The following GPHN variants were observed in gnomAD, a reference collection of about 807,000 sequenced individuals.
GPHN encodes the protein gephyrin.
In GPHN, 17 loss-of-function variants were observed where a neutral mutation model predicts 95.5. That is an observed-to-expected ratio of 0.18 (90% CI 0.12 to 0.27). The LOEUF (loss-of-function observed/expected upper bound fraction) is 0.27, where lower values mean the gene tolerates loss of function less well. GPHN is among the 10% of genes least tolerant of loss of function. The probability of loss-of-function intolerance (pLI) is 1.00; values close to 1 mark genes in which losing one functional copy is unlikely to be tolerated. For synonymous variants in GPHN, 320 were observed against 322.5 expected, an observed-to-expected ratio of 0.99 and a Z score of 0.08; for missense variants, 660 against 978.1, an observed-to-expected ratio of 0.67 and a Z score of 4.34.
intron 1 of GPHN, among the ~76,000 whole-genome samples, chr14:66,596,743 T>C (rs1243150015): frequency 6.6e-6 from 1 of 151,788 alleles, no homozygotes; most frequent in East Asian, 1.9e-4. Flanking sequence ...TCCCCAAGAG[T>C]GTAGAGATGC....
intron 13 of GPHN, among the ~76,000 whole-genome samples, chr14:67,101,684 A>G (rs116971554): frequency 0.012 from 1,810 of 151,720 alleles, 16 homozygotes; most frequent in Non-Finnish European, 0.018. Flanking sequence ...AATACATAGA[A>G]GAGCAGAATC....
the GPHN span, chr14:67,692,162 C>A: frequency 2.1e-4 from 70 of 335,846 alleles, no homozygotes; most frequent in East Asian, 2.5e-3. Context: ...GACCCCAGAC[C>A]CTAAAAAGCC....
At chr14:66,748,416 A>G (rs2058240225) in intron 2 of GPHN, among the ~76,000 whole-genome samples, 1 of 151,964 alleles carries the variant, frequency 6.6e-6, no homozygotes, top group Admixed American at 6.6e-5. Context: ...CAGACAGCTC[A>G]GAGATTTTCC....
intron 4 of GPHN, among the ~76,000 whole-genome samples, chr14:66,868,457 G>A (rs1267579968): frequency 1.3e-5 from 2 of 151,948 alleles, no homozygotes; most frequent in East Asian, 1.9e-4. Context: ...TCAATGGCAC[G>A]ATTTCGGCTC....
At chr14:66,561,513 G>A (rs1175344060) in intron 1 of GPHN, among the ~76,000 whole-genome samples, 1 of 152,058 alleles carries the variant, frequency 6.6e-6, no homozygotes, top group Non-Finnish European at 1.5e-5. Flanking sequence ...CCTAACAGTT[G>A]CCTCACAGAT....
the GPHN span, chr14:67,381,687 T>C: frequency 6.2e-7 from 1 of 1,611,140 alleles, no homozygotes; most frequent in Admixed American, 1.7e-5. Context: ...ACATGCCCAT[T>C]AAGGTGAGTC....
At chr14:66,978,071 G>A (rs2070381574) in intron 9 of GPHN, among the ~76,000 whole-genome samples, 1 of 152,182 alleles carries the variant, frequency 6.6e-6, no homozygotes, top group Non-Finnish European at 1.5e-5. Context: ...AAAGGATTAT[G>A]TCTAAAAAAA....
chr14:67,632,299 A>C, the GPHN span, among the ~76,000 whole-genome samples: 9 of 152,210 alleles, frequency 5.9e-5, no homozygotes, highest in South Asian at 4.1e-4. Context: ...AAACATAATG[A>C]AAGTAGAGAT....
At chr14:67,185,385 G>A (rs1352944671), downstream of GPHN, among the ~76,000 whole-genome samples, 1 of 152,222 alleles carries the variant, frequency 6.6e-6, no homozygotes, top group East Asian at 1.9e-4. Context: ...CACACTTTAA[G>A]TGAAAACAAG....
At chr14:67,198,441 A>G in the GPHN span, 2 of 924,528 alleles carry the variant, frequency 2.2e-6, no homozygotes, top group South Asian at 1.7e-5. Context: ...GATACTACAA[A>G]AGAGAACAGT....
At chr14:67,562,081 G>A in the GPHN span, 1 of 1,604,992 alleles carries the variant, frequency 6.2e-7, no homozygotes, top group East Asian at 2.2e-5. Context: ...GTGTTTGGTG[G>A]GTATGGGGCT....
At chr14:66,640,934 A>G (rs1211495106) in intron 1 of GPHN, among the ~76,000 whole-genome samples, 1 of 152,182 alleles carries the variant, frequency 6.6e-6, no homozygotes, top group Non-Finnish European at 1.5e-5. Context: ...AAATTGACTA[A>G]TTATTAAAAT....
At chr14:67,303,959 G>A in the GPHN span, 6,794 of 196,764 alleles carry the variant, frequency 0.035, 146 homozygotes, top group African/African-American at 0.045. Flanking sequence ...GTAGAGACAG[G>A]GTTTTGCCAT....
chr14:67,235,156 C>CA, the GPHN span, among the ~76,000 whole-genome samples: 74,381 of 143,894 alleles, frequency 0.52, 21,120 homozygotes, highest in African/African-American at 0.79. Flanking sequence ...AACTCCGTCT[C>CA]AAAAAAAAAA....
intron 18 of GPHN, 110 bp from the exon 19 acceptor site, chr14:67,159,302 TAAG>T: frequency 1.3e-6 from 1 of 767,944 alleles, no homozygotes; most frequent in Non-Finnish European, 2.3e-6. Flanking sequence ...TCCATTAAAA[TAAG>T]AAAGATGTTT....
At chr14:66,721,097 A>G (rs1251228358) in intron 2 of GPHN, among the ~76,000 whole-genome samples, 1 of 152,152 alleles carries the variant, frequency 6.6e-6, no homozygotes, top group African/African-American at 2.4e-5. Context: ...CAGTTGCTTT[A>G]TTAGAGTTGT....
intron 1 of GPHN, among the ~76,000 whole-genome samples, chr14:66,554,785 C>T (rs1370669919): frequency 6.6e-6 from 1 of 152,144 alleles, no homozygotes. Context: ...CTAACAAGCT[C>T]ATTTTCATAC....
At chr14:66,677,503 T>C (rs2066673925) in intron 1 of GPHN, among the ~76,000 whole-genome samples, 1 of 152,118 alleles carries the variant, frequency 6.6e-6, no homozygotes, top group African/African-American at 2.4e-5. Flanking sequence ...AATTTCTTAA[T>C]TGAACCATAA....
At chr14:67,291,553 G>T in the GPHN span, among the ~76,000 whole-genome samples, 1 of 152,186 alleles carries the variant, frequency 6.6e-6, no homozygotes, top group Non-Finnish European at 1.5e-5. Flanking sequence ...AGAGTGCTGG[G>T]ATTACAGGCG....
Sources: allele counts gnomAD v4.1 joint callset (sites outside exome capture counted in the v4.1 genomes callset), GRCh38; gene constraint gnomAD v4.1.1; transcripts MANE v1.5; gene names NCBI Gene and HGNC (gene_info 2026-07-23, HGNC 2026-07-21).